Variants in ARHGEF28 observed in about 807,000 individuals in gnomAD.
ARHGEF28 encodes the protein Rho guanine nucleotide exchange factor 28, also known as 190 kDa guanine nucleotide exchange factor.
In ARHGEF28, 152 loss-of-function variants were observed where a neutral mutation model predicts 206.6. That is an observed-to-expected ratio of 0.74 (90% CI 0.64 to 0.84). ARHGEF28 has a LOEUF of 0.84. ARHGEF28 is among the 40% of genes least tolerant of loss of function. The pLI is 0.00. For missense variants in ARHGEF28, 2,028 were observed against 2,073.2 expected (o/e 0.98, Z 0.42); for synonymous variants, 763 against 776.4 (o/e 0.98, Z 0.29).
chr5:73,895,152 A>T (rs1246603285), intron 29 of ARHGEF28, among the ~76,000 whole-genome samples: 1 of 152,148 alleles, frequency 6.6e-6, no homozygotes, highest in African/African-American at 2.4e-5. Flanking sequence ...TGGAGGAGGG[A>T]CTTGACTTGT....
intron 1 of ARHGEF28, among the ~76,000 whole-genome samples, chr5:73,656,515 C>A (rs1745211023): frequency 6.6e-6 from 1 of 152,174 alleles, no homozygotes; most frequent in Non-Finnish European, 1.5e-5. Flanking sequence ...GCTCTCCCTT[C>A]AGAATATAGC....
At chr5:73,766,938 A>G (rs1752926280) in intron 4 of ARHGEF28, among the ~76,000 whole-genome samples, 1 of 152,160 alleles carries the variant, frequency 6.6e-6, no homozygotes, top group Admixed American at 6.5e-5. Flanking sequence ...TGTAACTCCC[A>G]CAATTCCTAC....
intron 2 of ARHGEF28, among the ~76,000 whole-genome samples, chr5:73,734,433 G>T (rs1353160926): frequency 6.6e-6 from 1 of 152,116 alleles, no homozygotes; most frequent in Non-Finnish European, 1.5e-5. Context: ...CAGGGTCTTT[G>T]GGGAGACAGA....
At chr5:73,843,216 CT>C (rs973453162) in intron 11 of ARHGEF28, among the ~76,000 whole-genome samples, 9 of 152,126 alleles carry the variant, frequency 5.9e-5, no homozygotes, top group Admixed American at 4.6e-4. Context: ...AATTTTTCCT[CT>C]GTAGAATATA....
At chr5:73,922,058 A>G (rs1442115588) in intron 35 of ARHGEF28, among the ~76,000 whole-genome samples, 4 of 152,336 alleles carry the variant, frequency 2.6e-5, no homozygotes, top group African/African-American at 9.6e-5. Flanking sequence ...TGAAAAGGTG[A>G]TTTTATGTTC....
chr5:73,664,470 C>T (rs908505355), intron 1 of ARHGEF28, among the ~76,000 whole-genome samples: 1 of 152,142 alleles, frequency 6.6e-6, no homozygotes, highest in East Asian at 1.9e-4. Flanking sequence ...AGGTGCTCAA[C>T]CTCCCTGTGC....
intron 1 of ARHGEF28, among the ~76,000 whole-genome samples, chr5:73,650,277 C>CTTTT (rs138217794): frequency 1.2e-3 from 117 of 94,008 alleles, no homozygotes; most frequent in Non-Finnish European, 2.0e-3. Context: ...TTCTTTCTTT[C>CTTTT]TTTTTTTTTT....
chr5:73,680,671 A>T (rs1747028722), intron 1 of ARHGEF28, among the ~76,000 whole-genome samples: 1 of 152,064 alleles, frequency 6.6e-6, no homozygotes, highest in Non-Finnish European at 1.5e-5. Flanking sequence ...TGAAGTAAAA[A>T]ATAAAAATTA....
At chr5:73,936,848 G>A (rs772389145) in intron 35 of ARHGEF28, among the ~76,000 whole-genome samples, 7 of 152,152 alleles carry the variant, frequency 4.6e-5, no homozygotes, top group Non-Finnish European at 1.0e-4. Flanking sequence ...GATTACAGGC[G>A]TGAACTACCA....
intron 9 of ARHGEF28, among the ~76,000 whole-genome samples, chr5:73,820,386 G>C (rs1487000206): frequency 1.3e-5 from 2 of 152,184 alleles, no homozygotes; most frequent in East Asian, 3.9e-4. Flanking sequence ...GGAGGTTAAT[G>C]GGGGGTGGAG....
intron 22 of ARHGEF28, among the ~76,000 whole-genome samples, chr5:73,873,639 T>C (rs1561475150): frequency 6.6e-6 from 1 of 152,182 alleles, no homozygotes; most frequent in Non-Finnish European, 1.5e-5. Context: ...TCTCCAAATG[T>C]ACTGTTTTTT....
intron 33 of ARHGEF28, chr5:73,908,468 A>G (rs1762668527): frequency 6.6e-6 from 1 of 152,156 alleles, no homozygotes. Context: ...GTATGTGTCC[A>G]TTTTCAATTT....
At chr5:73,822,322 G>A (rs1756648922) in intron 9 of ARHGEF28, among the ~76,000 whole-genome samples, 1 of 152,218 alleles carries the variant, frequency 6.6e-6, no homozygotes, top group Admixed American at 6.5e-5. Context: ...ATCCCAGGAA[G>A]GTTAGGTAAG....
intron 35 of ARHGEF28, among the ~76,000 whole-genome samples, chr5:73,919,577 C>T (rs763164571): frequency 2.3e-4 from 35 of 152,350 alleles, no homozygotes; most frequent in Non-Finnish European, 4.7e-4. Flanking sequence ...CCATCCAACA[C>T]TTGTTGGTTA....
At chr5:73,733,816 C>T (rs116443026) in intron 2 of ARHGEF28, among the ~76,000 whole-genome samples, 3,660 of 152,070 alleles carry the variant, frequency 0.024, 140 homozygotes, top group African/African-American at 0.083. Context: ...AGATGTGTAA[C>T]TGGCTCACAG....
chr5:73,909,187 C>T, intron 33 of ARHGEF28: 1 of 481,216 alleles, frequency 2.1e-6, no homozygotes, highest in South Asian at 6.1e-5. Flanking sequence ...GGCTTTGTTT[C>T]TTTTCTCTAT....
Position 73,893,281 on chromosome 5 carries a change from A to G in ARHGEF28, c.3651A>G (p.Gln1217=). The change falls in exon 28 of 36, where the codon CAA becomes CAG. Residue 1217 remains glutamine (Q), a synonymous_variant. Coordinates refer to ENST00000513042, the MANE Select transcript of ARHGEF28 (RefSeq NM_001177693.2). ...AAGCCAGAGTGGCCAAAATTCAGCA[A>G]TGTCAAGGTACAGTGCAGGCACTTC... The part of the protein sequence containing the change: ...KAEARVAKIQ[Q]CQEILTNQDQ... 2 of 1,552,880 alleles carry G rather than the reference A, an allele frequency of 1.3e-6. No homozygotes were observed. The highest frequency in any genetic ancestry group is 1.7e-6 in the Non-Finnish European group (2 of 1,148,324).
chr5:73,634,964 G>A (rs1743603991), intron 1 of ARHGEF28, among the ~76,000 whole-genome samples: 1 of 151,980 alleles, frequency 6.6e-6, no homozygotes, highest in South Asian at 2.1e-4. Context: ...AGGTTATTTG[G>A]GCCTTTAGAC....
At chr5:73,775,222 T>C (rs9293612) in intron 5 of ARHGEF28, among the ~76,000 whole-genome samples, 8,897 of 152,322 alleles carry the variant, frequency 0.058, 388 homozygotes, top group African/African-American at 0.13. Context: ...GGTAGCTTTG[T>C]ATCTTTTTAC....
Sources: gnomAD v4.1 joint callset for allele counts (sites outside exome capture counted in the v4.1 genomes callset) on GRCh38, gnomAD v4.1.1 for gene constraint, MANE v1.5 for transcripts, NCBI Gene and HGNC (gene_info 2026-07-23, HGNC 2026-07-21) for gene names.